TNR: variants seen among roughly 807,000 people sequenced by gnomAD.
TNR encodes tenascin R, also known as tenascin-R.
A neutral mutation model predicts 150.4 loss-of-function variants in TNR; 45 were observed. The observed-to-expected ratio is 0.30, with a 90% CI of 0.24 to 0.38. TNR has a LOEUF of 0.38. TNR is among the 10% of genes least tolerant of loss of function. The pLI is 1.00. For missense variants in TNR, 1,544 were observed against 1,759.1 expected (o/e 0.88, Z 2.19); for synonymous variants, 687 against 678.4 (o/e 1.01, Z -0.20).
intron 8 of TNR, among the ~76,000 whole-genome samples, chr1:175,382,058 C>CAAA: frequency 6.6e-6 from 1 of 152,226 alleles, no homozygotes; most frequent in African/African-American, 2.4e-5. Context: ...GAGGCCTTTT[C>CAAA]AAACCGCTTG....
intron 14 of TNR, among the ~76,000 whole-genome samples, chr1:175,362,001 C>T (rs181798188): frequency 3.5e-4 from 54 of 152,306 alleles, no homozygotes; most frequent in African/African-American, 1.1e-3. Context: ...GCCAGTCTCT[C>T]CCTTGCACCT....
At chr1:175,403,699 C>T (rs1305135636) in intron 3 of TNR, 83 bp from the exon 4 acceptor site, 4 of 1,141,514 alleles carry the variant, frequency 3.5e-6, no homozygotes, top group Admixed American at 2.0e-5. Context: ...AAAGGCCTCT[C>T]TACTCATTCT....
intron 21 of TNR, among the ~76,000 whole-genome samples, chr1:175,326,824 C>T (rs1391144804): frequency 1.3e-5 from 2 of 152,070 alleles, no homozygotes; most frequent in Non-Finnish European, 2.9e-5. Flanking sequence ...TGCACCACCA[C>T]ACCTAGCTAA....
At chr1:175,578,376 G>T (rs1245900438) in intron 1 of TNR, among the ~76,000 whole-genome samples, 1 of 151,380 alleles carries the variant, frequency 6.6e-6, no homozygotes, top group Non-Finnish European at 1.5e-5. Flanking sequence ...AGGAGGGAGA[G>T]GAAAGGCACT....
intron 1 of TNR, among the ~76,000 whole-genome samples, chr1:175,627,608 G>A (rs997096147): frequency 2.0e-5 from 3 of 152,050 alleles, no homozygotes; most frequent in African/African-American, 4.8e-5. Flanking sequence ...ATGAAATTAC[G>A]AGTAGTTTGC....
chr1:175,722,163 C>T (rs543437700), intron 1 of TNR, among the ~76,000 whole-genome samples: 2 of 152,232 alleles, frequency 1.3e-5, no homozygotes, highest in African/African-American at 2.4e-5. Flanking sequence ...CCGGGCCCTC[C>T]CTGGCCATGG....
At chr1:175,721,849 C>CA (rs1667312423) in intron 1 of TNR, among the ~76,000 whole-genome samples, 1 of 139,030 alleles carries the variant, frequency 7.2e-6, no homozygotes, top group South Asian at 2.7e-4. Context: ...GCCCTCCCCC[C>CA]ACCCCACTGA....
intron 1 of TNR, among the ~76,000 whole-genome samples, chr1:175,576,948 A>C (rs1662140433): frequency 6.6e-6 from 1 of 152,164 alleles, no homozygotes; most frequent in South Asian, 2.1e-4. Context: ...GGACTCTGTA[A>C]AATCCTCAAA....
Position 175,386,174 on chromosome 1 carries a change from A to G in TNR, c.1635T>C (p.Gly545=). 1 of 1,612,264 alleles carries G rather than the reference A, an allele frequency of 6.2e-7. No homozygotes were observed. Among genetic ancestry groups the G allele is most frequent in the Non-Finnish European group, 8.5e-7 (1 of 1,178,856 alleles). The change falls in exon 8 of 23, where the codon GGT becomes GGC. Residue 545 remains glycine (G), a synonymous_variant. Transcript: ENST00000367674. ...LLKYGLVGGE[G]GRTTFRLQPP... ...GCTGCAGCCGGAAGGTGGTCCTCCCACCTTCCCCGCCCACCAGGCCATATT... is the reference window on the plus strand; with the variant it reads ...GCTGCAGCCGGAAGGTGGTCCTCCCGCCTTCCCCGCCCACCAGGCCATATT...
intron 18 of TNR, among the ~76,000 whole-genome samples, chr1:175,341,944 C>T (rs1444623744): frequency 6.6e-6 from 1 of 152,240 alleles, no homozygotes; most frequent in Non-Finnish European, 1.5e-5. Flanking sequence ...CCTAAGTCTG[C>T]CAACAGGACA....
At position 175,637,319 on chromosome 1, in the gene TNR, G is replaced by A. The variant is rs569497509; in HGVS notation, c.-165+105907C>T. On this transcript the variant is annotated intron_variant, in intron 1 of 22. Transcript: ENST00000367674. ...TACAGCCATTACTACTGATGTTCAG[G>A]GATCCATAATAATGAAAGTAGAGAT... Among the ~76,000 whole-genome samples the A allele has an allele frequency of 4.6e-5, 7 of 152,230 alleles. No homozygotes were observed. In the South Asian group the frequency reaches 1.2e-3, roughly 27 times the overall value.
intron 1 of TNR, among the ~76,000 whole-genome samples, chr1:175,705,823 T>C (rs1217224688): frequency 6.6e-6 from 1 of 152,200 alleles, no homozygotes; most frequent in Non-Finnish European, 1.5e-5. Context: ...TTTATAAATC[T>C]AGGTTTCTTC....
intron 2 of TNR, among the ~76,000 whole-genome samples, chr1:175,485,047 T>A (rs1430736773): frequency 6.6e-6 from 1 of 152,200 alleles, no homozygotes; most frequent in Non-Finnish European, 1.5e-5. Context: ...TATTAAACCA[T>A]TAAGAGATTT....
At chr1:175,393,999 G>A (rs1207888795) in intron 5 of TNR, 104 bp from the exon 6 acceptor site, 1 of 867,016 alleles carries the variant, frequency 1.2e-6, no homozygotes, top group African/African-American at 1.7e-5. Context: ...CATGGGCGTG[G>A]TGGTGTCTGG....
intron 1 of TNR, among the ~76,000 whole-genome samples, chr1:175,558,952 A>T (rs1458456132): frequency 1.3e-5 from 2 of 152,210 alleles, no homozygotes; most frequent in Non-Finnish European, 2.9e-5. Flanking sequence ...TAGGTTCATC[A>T]ATTATAACAT....
chr1:175,385,023 A>G (rs866918445), intron 8 of TNR, among the ~76,000 whole-genome samples: 21 of 152,300 alleles, frequency 1.4e-4, no homozygotes, highest in Middle Eastern at 3.4e-3. Context: ...GAATTCTTGA[A>G]TTAGTGATTC....
chr1:175,651,144 C>A (rs1044140848), intron 1 of TNR, among the ~76,000 whole-genome samples: 1 of 123,458 alleles, frequency 8.1e-6, no homozygotes, highest in African/African-American at 3.1e-5. Context: ...TTCATTACTA[C>A]CCCTCCCCAC....
chr1:175,418,704 C>CAGAGCGAG (rs1654617841), intron 2 of TNR, among the ~76,000 whole-genome samples: 1 of 147,114 alleles, frequency 6.8e-6, no homozygotes, highest in African/African-American at 2.5e-5. Flanking sequence ...AGCCTGGTGA[C>CAGAGCGAG]AGAGCGAGAG....
At chr1:175,448,680 C>T (rs1312762221) in intron 2 of TNR, among the ~76,000 whole-genome samples, 1 of 152,178 alleles carries the variant, frequency 6.6e-6, no homozygotes, top group Admixed American at 6.5e-5. Flanking sequence ...AGGAAGCCAA[C>T]CAACCACACA....
Sources: allele counts gnomAD v4.1 joint callset (sites outside exome capture counted in the v4.1 genomes callset), GRCh38; gene constraint gnomAD v4.1.1; transcripts MANE v1.5; gene names NCBI Gene and HGNC (gene_info 2026-07-23, HGNC 2026-07-21).